Variants in EBF1 observed in about 807,000 individuals in gnomAD.
The protein encoded by EBF1 is transcription factor COE1.
A neutral mutation model predicts 68.4 loss-of-function variants in EBF1; 10 were observed. The ratio of observed to expected loss-of-function variants is 0.15; its 90% CI spans 0.09 to 0.25. The LOEUF is 0.25. EBF1 is among the 10% of genes least tolerant of loss of function. The pLI is 1.00. For synonymous variants in EBF1, 298 were observed against 299.8 expected (o/e 0.99, Z 0.06); for missense variants, 509 against 794.4 (o/e 0.64, Z 4.32).
At chr5:159,018,636 A>T (rs1272824586) in intron 6 of EBF1, among the ~76,000 whole-genome samples, 1 of 152,214 alleles carries the variant, frequency 6.6e-6, no homozygotes, top group East Asian at 1.9e-4. Flanking sequence ...AACAGCTAAC[A>T]CTGGCTAAGC....
At chr5:158,906,014 A>G (rs147829424) in intron 6 of EBF1, among the ~76,000 whole-genome samples, 1,900 of 152,268 alleles carry the variant, frequency 0.012, 139 homozygotes, top group Admixed American at 0.11. Context: ...TTTCATTTCA[A>G]TCACGTATGC....
In EBF1 at chr5:159,099,526, TAA is replaced by T. The variant is rs5872586; in HGVS notation, c.-50_-49del. 0.072 allele frequency: 74,059 copies of T among 1,033,056 alleles called. No individual in the cohort carries two copies. Among genetic ancestry groups the T allele is most frequent in the South Asian group, 0.086 (2,962 of 34,612 alleles). The allele number at this position is 1,033,056 out of a possible 1,614,324, so 64.0% of individuals were successfully genotyped here. A position where few individuals can be genotyped will look rare whatever the true frequency, so the allele number is the denominator to read the frequency against. On this transcript the variant is annotated 5_prime_UTR_variant, in exon 1 of 16. Transcript: ENST00000313708. ...AAATCTCCTCCCCCTTGAAAAAAAT[TAA>T]AAAAAAAAAAAAAGGAAAGAAAAGA... is the stretch of plus-strand genomic sequence containing the variant.
intron 6 of EBF1, among the ~76,000 whole-genome samples, chr5:158,920,593 T>TA (rs1373630048): frequency 3.3e-5 from 5 of 152,028 alleles, no homozygotes; most frequent in African/African-American, 9.7e-5. Flanking sequence ...TTTTTTTTTT[T>TA]AAAGAAACAC....
chr5:159,013,699 G>A (rs1379252103), intron 6 of EBF1, among the ~76,000 whole-genome samples: 1 of 152,106 alleles, frequency 6.6e-6, no homozygotes, highest in African/African-American at 2.4e-5. Context: ...AAACCAATAA[G>A]GACTTTAGCT....
chr5:158,952,913 A>C (rs975918898), intron 6 of EBF1, among the ~76,000 whole-genome samples: 1 of 152,202 alleles, frequency 6.6e-6, no homozygotes, highest in African/African-American at 2.4e-5. Context: ...CCTGTCCTTT[A>C]AAACAACTTC....
intron 6 of EBF1, among the ~76,000 whole-genome samples, chr5:158,933,189 T>G (rs985770116): frequency 2.6e-5 from 4 of 152,174 alleles, no homozygotes; most frequent in African/African-American, 9.7e-5. Flanking sequence ...GAGAAATATT[T>G]TGACATGTAA....
At chr5:159,042,080 T>C (rs1771310731) in intron 6 of EBF1, among the ~76,000 whole-genome samples, 1 of 152,130 alleles carries the variant, frequency 6.6e-6, no homozygotes, top group African/African-American at 2.4e-5. Context: ...TGCTGTGTAA[T>C]TGGAAGGGAA....
chr5:158,777,121 GA>G (rs1775456567), intron 10 of EBF1, among the ~76,000 whole-genome samples: 1 of 152,056 alleles, frequency 6.6e-6, no homozygotes, highest in African/African-American at 2.4e-5. Context: ...TTAACATCCA[GA>G]AACTCAGGAC....
chr5:158,814,442 C>T (rs1783319511), intron 8 of EBF1, among the ~76,000 whole-genome samples: 1 of 152,190 alleles, frequency 6.6e-6, no homozygotes, highest in Non-Finnish European at 1.5e-5. Context: ...CTACAACACA[C>T]AACACACCAC....
At chr5:159,018,844 G>A (rs537154592) in intron 6 of EBF1, 2 of 152,300 alleles carry the variant, frequency 1.3e-5, no homozygotes, top group South Asian at 2.1e-4. Context: ...GTCTGTCACA[G>A]AGTACCCCTT....
intron 6 of EBF1, among the ~76,000 whole-genome samples, chr5:158,858,792 G>A (rs921811823): frequency 2.0e-5 from 3 of 152,178 alleles, no homozygotes; most frequent in Non-Finnish European, 4.4e-5. Context: ...GGGCTCAGAG[G>A]AAAGGAAGAG....
chr5:158,830,407 A>C (rs1363947163), intron 7 of EBF1, among the ~76,000 whole-genome samples: 2 of 152,076 alleles, frequency 1.3e-5, no homozygotes, highest in African/African-American at 4.8e-5. Flanking sequence ...ACTAGCTGGG[A>C]CTAGAGGGGC....
chr5:158,710,223 G>A (rs972637211), intron 14 of EBF1, among the ~76,000 whole-genome samples: 2 of 152,136 alleles, frequency 1.3e-5, no homozygotes, highest in Non-Finnish European at 2.9e-5. Context: ...TTAATACTAT[G>A]TTTGTGAGCA....
At chr5:158,911,732 C>T (rs1806020276) in intron 6 of EBF1, among the ~76,000 whole-genome samples, 1 of 152,336 alleles carries the variant, frequency 6.6e-6, no homozygotes, top group South Asian at 2.1e-4. Context: ...ACCCACCACT[C>T]CTGTTATGAT....
intron 6 of EBF1, among the ~76,000 whole-genome samples, chr5:158,959,991 C>A (rs1817853468): frequency 6.6e-6 from 1 of 152,028 alleles, no homozygotes; most frequent in Non-Finnish European, 1.5e-5. Context: ...GAATTGACAC[C>A]TACATTGTCC....
intron 15 of EBF1, among the ~76,000 whole-genome samples, chr5:158,701,006 C>T (rs182609842): frequency 2.6e-5 from 4 of 152,308 alleles, no homozygotes; most frequent in South Asian, 2.1e-4. Context: ...CTGGAGAATT[C>T]GAGATGCTAT....
intron 6 of EBF1, among the ~76,000 whole-genome samples, chr5:158,938,274 G>A (rs868292395): frequency 6.6e-6 from 1 of 152,160 alleles, no homozygotes; most frequent in Admixed American, 6.5e-5. Context: ...CAGCATTTCT[G>A]ACATGAACCC....
intron 5 of EBF1, 67 bp downstream of exon 5, chr5:159,084,599 C>A: frequency 7.4e-7 from 1 of 1,346,818 alleles, no homozygotes. Context: ...CCAAAGTTCA[C>A]CAAGATTTGA....
chr5:158,741,714 T>C (rs1766460295), intron 10 of EBF1, among the ~76,000 whole-genome samples: 2 of 152,202 alleles, frequency 1.3e-5, no homozygotes, highest in Non-Finnish European at 2.9e-5. Flanking sequence ...TCCCATTAAG[T>C]TTGTAGGGAC....
Sources: allele counts gnomAD v4.1 joint callset (sites outside exome capture counted in the v4.1 genomes callset), GRCh38; gene constraint gnomAD v4.1.1; transcripts MANE v1.5; gene names NCBI Gene and HGNC (gene_info 2026-07-23, HGNC 2026-07-21).